DPP10: variants seen among roughly 807,000 people sequenced by gnomAD.
The protein encoded by DPP10 is dipeptidyl peptidase like 10.
In DPP10, 33 loss-of-function variants were observed where a neutral mutation model predicts 120.9. The ratio of observed to expected loss-of-function variants is 0.27; its 90% CI spans 0.21 to 0.37. The LOEUF (loss-of-function observed/expected upper bound fraction) is 0.37. Ranked by LOEUF, DPP10 falls within the 10% of genes least tolerant of loss-of-function variation. The pLI is 1.00. For synonymous variants in DPP10, 337 were observed against 326.1 expected, an observed-to-expected ratio of 1.03 and a Z score of -0.36; for missense variants, 816 against 942.8, an observed-to-expected ratio of 0.87 and a Z score of 1.76.
At chr2:114,631,189 G>A (rs1053915657) in intron 1 of DPP10, among the ~76,000 whole-genome samples, 1 of 152,164 alleles carries the variant, frequency 6.6e-6, no homozygotes, top group Non-Finnish European at 1.5e-5. Context: ...AAAGAGACCT[G>A]TGTTGAATGC....
intron 3 of DPP10, among the ~76,000 whole-genome samples, chr2:115,454,483 A>C (rs748545760): frequency 1.3e-5 from 2 of 151,796 alleles, no homozygotes; most frequent in Non-Finnish European, 3.0e-5. Context: ...AGTAAAAAGC[A>C]ACACAGTGAA....
chr2:114,612,183 G>A (rs1203110993), intron 1 of DPP10, among the ~76,000 whole-genome samples: 1 of 152,134 alleles, frequency 6.6e-6, no homozygotes, highest in African/African-American at 2.4e-5. Context: ...ATGGCATCAA[G>A]GTACTTTCAT....
At chr2:115,626,753 A>G (rs6740354) in intron 5 of DPP10, among the ~76,000 whole-genome samples, 48,922 of 152,054 alleles carry the variant, frequency 0.32, 10,266 homozygotes, top group African/African-American at 0.6. Context: ...ACATACACAT[A>G]TTTAATACAA....
chr2:115,097,513 C>T (rs1249244127), intron 1 of DPP10, among the ~76,000 whole-genome samples: 2 of 152,086 alleles, frequency 1.3e-5, no homozygotes, highest in Non-Finnish European at 2.9e-5. Context: ...ATACATTAAT[C>T]CCTCAATAAC....
chr2:115,810,780 C>G (rs1031169137), intron 19 of DPP10, among the ~76,000 whole-genome samples: 1 of 152,182 alleles, frequency 6.6e-6, no homozygotes, highest in Non-Finnish European at 1.5e-5. Flanking sequence ...AAACACCCTT[C>G]TTACTGTGAA....
intron 2 of DPP10, among the ~76,000 whole-genome samples, chr2:115,326,271 C>A (rs1222187129): frequency 1.3e-5 from 2 of 151,952 alleles, no homozygotes; most frequent in African/African-American, 4.8e-5. Context: ...AAGTTCTTAT[C>A]CCCTAGTGAC....
chr2:114,598,935 GT>G (rs761096192), intron 1 of DPP10, among the ~76,000 whole-genome samples: 5 of 151,834 alleles, frequency 3.3e-5, no homozygotes, highest in Non-Finnish European at 7.4e-5. Flanking sequence ...CGAAATCTTA[GT>G]TTCCTCCCGG....
intron 5 of DPP10, among the ~76,000 whole-genome samples, chr2:115,685,052 T>C (rs2090907348): frequency 6.6e-6 from 1 of 151,950 alleles, no homozygotes; most frequent in East Asian, 1.9e-4. Context: ...TTGGTTCAGA[T>C]TGTGACTGTT....
intron 3 of DPP10, among the ~76,000 whole-genome samples, chr2:115,459,925 T>TTATATATATATATATA (rs1553418431): frequency 3.8e-5 from 5 of 130,120 alleles, no homozygotes; most frequent in East Asian, 2.2e-4. Flanking sequence ...AACATATATT[T>TTATATATATATATATA]TATATATATA....
At chr2:114,758,355 G>A (rs149389363) in intron 1 of DPP10, among the ~76,000 whole-genome samples, 28 of 152,288 alleles carry the variant, frequency 1.8e-4, no homozygotes, top group Non-Finnish European at 3.4e-4. Flanking sequence ...TTCCCAAGCT[G>A]CCATTTCACC....
At chr2:115,836,618 T>A (rs989734320) in intron 23 of DPP10, 53 bp downstream of exon 23, 1 of 1,608,596 alleles carries the variant, frequency 6.2e-7, no homozygotes, top group African/African-American at 1.3e-5. Context: ...TCTAAAAAAT[T>A]AGTTAAATGG....
intron 3 of DPP10, among the ~76,000 whole-genome samples, chr2:115,446,242 C>T (rs1298044658): frequency 6.6e-6 from 1 of 152,148 alleles, no homozygotes; most frequent in Non-Finnish European, 1.5e-5. Flanking sequence ...ATGAAAATAC[C>T]TGGATGTCTA....
At position 115,095,603 on chromosome 2, in the gene DPP10, G is replaced by A. The variant is rs186604118; in HGVS notation, c.61-213636G>A. 1.6e-3 allele frequency among the ~76,000 whole-genome samples: 235 copies of A among 142,732 alleles called. 1 individual carries two copies. The highest frequency in any genetic ancestry group is 5.6e-3 in the African/African-American group (216 of 38,310). The allele number at this position is 142,732 out of a possible 152,430, so 93.6% of individuals were successfully genotyped here. On this transcript the variant is annotated intron_variant, in intron 1 of 25. Transcript: ENST00000410059. The stretch of plus-strand genomic sequence containing the variant: ...TTTTTTTGTTTTTTTTTTTTGATAC[G>A]GAGTCTCACTCTGTCTCCCAGGCTG...
chr2:115,783,780 A>G (rs547754178), intron 17 of DPP10, among the ~76,000 whole-genome samples: 1 of 152,300 alleles, frequency 6.6e-6, no homozygotes, highest in African/African-American at 2.4e-5. Flanking sequence ...AATCTCATAG[A>G]TAGAACTATC....
intron 4 of DPP10, among the ~76,000 whole-genome samples, chr2:115,505,600 C>T (rs2076899099): frequency 6.6e-6 from 1 of 152,204 alleles, no homozygotes; most frequent in Admixed American, 6.5e-5. Flanking sequence ...TTGAGCAAGT[C>T]GAGGCTCTAG....
At chr2:115,688,030 G>A (rs1028426890) in intron 5 of DPP10, among the ~76,000 whole-genome samples, 3 of 141,182 alleles carry the variant, frequency 2.1e-5, no homozygotes, top group Non-Finnish European at 4.7e-5. Flanking sequence ...GAGAGAGAGA[G>A]AAAAAGAGAG....
intron 3 of DPP10, among the ~76,000 whole-genome samples, chr2:115,419,639 T>C (rs1469438066): frequency 2.0e-5 from 3 of 152,122 alleles, no homozygotes; most frequent in African/African-American, 7.2e-5. Flanking sequence ...TCAAATGCTT[T>C]ACCCAATTTA....
Position 115,036,281 on chromosome 2 carries a change from G to A in DPP10, c.61-272958G>A, listed in dbSNP as rs192640474. On this transcript the variant is annotated intron_variant, in intron 1 of 25. Transcript: ENST00000410059. ...ACTGCCCCATGATCCAATTACCTCCGCCTTGTCCTGTCCTTGACGTGTGGG... is the reference window on the plus strand; with the variant it reads ...ACTGCCCCATGATCCAATTACCTCCACCTTGTCCTGTCCTTGACGTGTGGG... Among the ~76,000 whole-genome samples, 18 of 152,224 alleles carry A rather than the reference G, an allele frequency of 1.2e-4. No individual in the cohort carries two copies. In the East Asian group the frequency reaches 1.4e-3, roughly 11 times the overall value.
At chr2:115,038,493 G>A (rs1262675604) in intron 1 of DPP10, among the ~76,000 whole-genome samples, 1 of 151,818 alleles carries the variant, frequency 6.6e-6, no homozygotes, top group Admixed American at 6.6e-5. Flanking sequence ...TAGCCAGTAT[G>A]GTCTCTATCT....
Sources: gnomAD v4.1 joint callset for allele counts (sites outside exome capture counted in the v4.1 genomes callset) on GRCh38, gnomAD v4.1.1 for gene constraint, MANE v1.5 for transcripts, NCBI Gene and HGNC (gene_info 2026-07-23, HGNC 2026-07-21) for gene names.